Variants in MTUS1 observed in about 807,000 individuals in gnomAD.
MTUS1 encodes the protein microtubule associated scaffold protein 1, also known as microtubule-associated tumor suppressor 1.
MTUS1 carries 109 observed loss-of-function variants against 120.8 expected under a neutral mutation model. The ratio of observed to expected loss-of-function variants is 0.90; its 90% CI spans 0.77 to 1.06. MTUS1 has a LOEUF of 1.06. Ranked by LOEUF, MTUS1 falls within the 50% of genes least tolerant of loss-of-function variation. The pLI is 0.00. For synonymous variants in MTUS1, 737 were observed against 550.5 expected (o/e 1.34, Z -4.74); for missense variants, 2,210 against 1,486.3 (o/e 1.49, Z -8.01).
At chr8:17,649,264 C>G (rs1806479368) in intron 13 of MTUS1, among the ~76,000 whole-genome samples, 1 of 152,046 alleles carries the variant, frequency 6.6e-6, no homozygotes, top group African/African-American at 2.4e-5. Flanking sequence ...ACCATGTTGG[C>G]CAGGCTGGTC....
chr8:17,647,592 C>G (rs1014238344), intron 13 of MTUS1, among the ~76,000 whole-genome samples: 1 of 152,146 alleles, frequency 6.6e-6, no homozygotes, highest in Non-Finnish European at 1.5e-5. Context: ...AGTGGCCATA[C>G]AAAGCTTCAA....
intron 8 of MTUS1, among the ~76,000 whole-genome samples, chr8:17,659,843 A>G (rs1809293218): frequency 6.6e-6 from 1 of 152,024 alleles, no homozygotes; most frequent in African/African-American, 2.4e-5. Flanking sequence ...TTTCCCCCCA[A>G]CCTGAAACTT....
At chr8:17,744,367 C>A (rs994739122) in intron 2 of MTUS1, among the ~76,000 whole-genome samples, 1 of 151,640 alleles carries the variant, frequency 6.6e-6, no homozygotes, top group African/African-American at 2.4e-5. Flanking sequence ...TCCACAGCCC[C>A]TTATCTTATC....
chr8:17,677,220 A>G (rs979572076), intron 7 of MTUS1, among the ~76,000 whole-genome samples: 9 of 152,240 alleles, frequency 5.9e-5, no homozygotes, highest in African/African-American at 2.2e-4. Flanking sequence ...AGAAAAACAT[A>G]AAAATATGTA....
At chr8:17,771,381 T>G (rs1033674977) in intron 1 of MTUS1, among the ~76,000 whole-genome samples, 1 of 152,206 alleles carries the variant, frequency 6.6e-6, no homozygotes, top group South Asian at 2.1e-4. Context: ...CAAAACAAAA[T>G]AAATTTATGC....
At chr8:17,763,378 T>C (rs575992453) in intron 1 of MTUS1, among the ~76,000 whole-genome samples, 1 of 152,208 alleles carries the variant, frequency 6.6e-6, no homozygotes, top group African/African-American at 2.4e-5. Flanking sequence ...ACAGCTCATA[T>C]TTTGCATCTA....
intron 7 of MTUS1, among the ~76,000 whole-genome samples, chr8:17,678,601 C>T (rs3862093): frequency 0.11 from 17,428 of 152,098 alleles, 1,297 homozygotes; most frequent in Non-Finnish European, 0.17. Context: ...ATGGCTCAGA[C>T]GTGTGCTGCA....
At chr8:17,674,864 GAA>G in intron 8 of MTUS1, 1 of 1,118,616 alleles carries the variant, frequency 8.9e-7, no homozygotes, top group Non-Finnish European at 1.1e-6. Context: ...AAGTGCTTCA[GAA>G]AAAAAAATGA....
At chr8:17,717,858 T>C (rs1425871079) in intron 4 of MTUS1, among the ~76,000 whole-genome samples, 1 of 152,110 alleles carries the variant, frequency 6.6e-6, no homozygotes, top group Non-Finnish European at 1.5e-5. Context: ...ATCATCAGCT[T>C]CATAACACGC....
At chr8:17,785,281 C>T (rs1325611415) in intron 1 of MTUS1, among the ~76,000 whole-genome samples, 1 of 152,176 alleles carries the variant, frequency 6.6e-6, no homozygotes, top group African/African-American at 2.4e-5. Context: ...GTAGAAGCGA[C>T]TGGAGGCTAA....
At chr8:17,799,798 C>A (rs530333884) in intron 1 of MTUS1, among the ~76,000 whole-genome samples, 3 of 152,100 alleles carry the variant, frequency 2.0e-5, no homozygotes, top group African/African-American at 7.2e-5. Flanking sequence ...GGTGAAAAAA[C>A]GTGGTGCAAG....
intron 1 of MTUS1, chr8:17,758,250 G>T (rs777547264): frequency 6.6e-6 from 1 of 152,170 alleles, no homozygotes; most frequent in Admixed American, 6.5e-5. Flanking sequence ...GAAACGATCA[G>T]TTTTCTTCGC....
At chr8:17,685,661 G>A (rs1053911289) in intron 6 of MTUS1, among the ~76,000 whole-genome samples, 2 of 150,534 alleles carry the variant, frequency 1.3e-5, no homozygotes, top group African/African-American at 4.9e-5. Flanking sequence ...AGAACAAATG[G>A]CTAAATATAT....
At chr8:17,725,046 C>G (rs1005045782) in intron 3 of MTUS1, among the ~76,000 whole-genome samples, 1 of 152,084 alleles carries the variant, frequency 6.6e-6, no homozygotes, top group Non-Finnish European at 1.5e-5. Context: ...GTAAACCACC[C>G]CACCCAGCCA....
At chr8:17,784,268 C>G (rs921658263) in intron 1 of MTUS1, among the ~76,000 whole-genome samples, 21 of 149,534 alleles carry the variant, frequency 1.4e-4, no homozygotes, top group African/African-American at 4.7e-4. Flanking sequence ...AGTTGGCAAT[C>G]TAAACCCTGC....
intron 1 of MTUS1, among the ~76,000 whole-genome samples, chr8:17,791,114 G>C (rs959847547): frequency 6.6e-6 from 1 of 152,088 alleles, no homozygotes; most frequent in African/African-American, 2.4e-5. Context: ...GAAATGGACC[G>C]GTACAAGTCC....
intron 8 of MTUS1, among the ~76,000 whole-genome samples, chr8:17,658,946 T>C (rs1430902695): frequency 1.4e-5 from 2 of 145,420 alleles, no homozygotes; most frequent in Admixed American, 7.1e-5. Context: ...CAAATGTTTA[T>C]TGAAGGGCAA....
At position 17,754,132 on chromosome 8, in the gene MTUS1, G is replaced by A. The variant is rs371578880; in HGVS notation, c.1676C>T (p.Ser559Phe). Residue 559 changes from serine (S) to phenylalanine (F), a missense_variant, in exon 2 of 15, where the codon TCT (serine) becomes TTT (phenylalanine). By Grantham distance (155) the Ser-to-Phe change is radical (BLOSUM62 -2). Transcript: ENST00000693296. ...QQTVLSRTPR[S>F]DLNADKKAEI... ...TGCTTTTTTGTCTGCATTCAAGTCA[G>A]ATCTCGGTGTTCTGCTCAAGACTGT... The A allele has an allele frequency of 2.2e-5, 36 of 1,613,678 alleles. No individual in the cohort carries two copies. Among genetic ancestry groups the A allele is most frequent in the Non-Finnish European group, 3.1e-5 (36 of 1,180,024 alleles).
chr8:17,759,938 G>C (rs567721853), intron 1 of MTUS1, among the ~76,000 whole-genome samples: 1 of 151,910 alleles, frequency 6.6e-6, no homozygotes, highest in East Asian at 1.9e-4. Context: ...ATTGGGTGTG[G>C]TCGCTCATGC....
Sources: allele counts gnomAD v4.1 joint callset (sites outside exome capture counted in the v4.1 genomes callset), GRCh38; gene constraint gnomAD v4.1.1; transcripts MANE v1.5; gene names NCBI Gene and HGNC (gene_info 2026-07-23, HGNC 2026-07-21).